MED13L: variants seen among roughly 807,000 people sequenced by gnomAD.
MED13L encodes mediator of RNA polymerase II transcription subunit 13-like.
Under a neutral mutation model 220.9 loss-of-function variants are expected in MED13L, and 7 were observed. The observed-to-expected ratio is 0.03, with a 90% CI of 0.02 to 0.06. MED13L has a LOEUF of 0.06. MED13L is among the 10% of genes least tolerant of loss of function. The pLI is 1.00. For missense variants in MED13L, 1,965 were observed against 2,760.5 expected, an observed-to-expected ratio of 0.71 and a Z score of 6.46; for synonymous variants, 1,011 against 1,015.2, an observed-to-expected ratio of 1.00 and a Z score of 0.08.
At chr12:116,101,022 A>T (rs762050932) in intron 3 of MED13L, among the ~76,000 whole-genome samples, 3 of 152,232 alleles carry the variant, frequency 2.0e-5, no homozygotes, top group Non-Finnish European at 4.4e-5. Flanking sequence ...AGGGCTGGTC[A>T]ACTACGAAGC....
At chr12:116,267,713 A>C (rs1042659659) in intron 1 of MED13L, among the ~76,000 whole-genome samples, 1 of 152,226 alleles carries the variant, frequency 6.6e-6, no homozygotes, top group African/African-American at 2.4e-5. Flanking sequence ...GTTGAACAAA[A>C]GCACTGCTAT....
At chr12:116,038,172 CT>C (rs397937912) in intron 4 of MED13L, among the ~76,000 whole-genome samples, 501 of 140,110 alleles carry the variant, frequency 3.6e-3, no homozygotes, top group Middle Eastern at 7.4e-3. Context: ...GCTTGGAATT[CT>C]TTTTTTTTTT....
At chr12:116,141,560 T>C (rs1877079276) in intron 2 of MED13L, among the ~76,000 whole-genome samples, 1 of 152,178 alleles carries the variant, frequency 6.6e-6, no homozygotes, top group Non-Finnish European at 1.5e-5. Context: ...AAATTTTTGC[T>C]TTATCCTAAC....
intron 2 of MED13L, among the ~76,000 whole-genome samples, chr12:116,179,259 T>C (rs1302813664): frequency 1.3e-5 from 2 of 151,888 alleles, no homozygotes; most frequent in African/African-American, 2.4e-5. Context: ...TAAAGGGGAA[T>C]ATTTTGGTGT....
At chr12:115,981,070 T>C in intron 22 of MED13L, 132 bp from the exon 23 acceptor site, 8 of 711,716 alleles carry the variant, frequency 1.1e-5, no homozygotes, top group Non-Finnish European at 1.9e-5. Flanking sequence ...ACCTCAGCCT[T>C]AAAATATATC....
chr12:115,984,038 C>A lies in MED13L; in HGVS notation c.4531+142G>T. On this transcript the variant is annotated intron_variant, in intron 20 of 30. Coordinates refer to ENST00000281928, the MANE Select transcript of MED13L (RefSeq NM_015335.5). ...CATATAGAAATTAGCATTAAACTGC[C>A]CAGAACACCAAACTGGACCTTAACA... 3.0e-6 allele frequency: 3 copies of A among 998,744 alleles called. No individual in the cohort carries two copies. In the South Asian group the frequency reaches 4.1e-5, roughly 14 times the overall value. 61.9% of individuals were successfully genotyped at this position (998,744 alleles called of 1,614,324 possible). A position where few individuals can be genotyped will look rare whatever the true frequency, so the allele number is the denominator to read the frequency against.
At chr12:116,046,830 G>A (rs550939319) in intron 4 of MED13L, among the ~76,000 whole-genome samples, 4 of 152,162 alleles carry the variant, frequency 2.6e-5, no homozygotes, top group South Asian at 2.1e-4. Context: ...AAAATTAGTC[G>A]GGCATGGTGG....
At chr12:116,077,312 C>A (rs998210666) in intron 4 of MED13L, among the ~76,000 whole-genome samples, 8 of 152,140 alleles carry the variant, frequency 5.3e-5, no homozygotes, top group African/African-American at 1.9e-4. Flanking sequence ...ATTTTACTCA[C>A]GCCCACTAAT....
intron 2 of MED13L, chr12:116,181,256 G>A (rs185877406): frequency 2.0e-5 from 3 of 150,804 alleles, no homozygotes; most frequent in Admixed American, 6.6e-5. Context: ...CAGTCCCCTC[G>A]AAATCTAACC....
chr12:116,216,180 G>A (rs1378636618), intron 2 of MED13L, among the ~76,000 whole-genome samples: 1 of 151,994 alleles, frequency 6.6e-6, no homozygotes, highest in East Asian at 1.9e-4. Flanking sequence ...ACTCTCTGAA[G>A]CTTTATTTAT....
At chr12:116,129,853 G>A (rs149781574) in intron 2 of MED13L, among the ~76,000 whole-genome samples, 2 of 151,106 alleles carry the variant, frequency 1.3e-5, no homozygotes, top group Non-Finnish European at 2.9e-5. Flanking sequence ...AGGTTGTAGT[G>A]AGCCGAGATC....
chr12:116,168,062 T>C (rs1304322529), intron 2 of MED13L, among the ~76,000 whole-genome samples: 1 of 152,168 alleles, frequency 6.6e-6, no homozygotes, highest in Non-Finnish European at 1.5e-5. Flanking sequence ...TTTTCATAGA[T>C]AGCTAAGCCA....
At chr12:116,210,553 AT>A (rs2138349239) in intron 2 of MED13L, among the ~76,000 whole-genome samples, 1 of 26,424 alleles carries the variant, frequency 3.8e-5, no homozygotes, top group African/African-American at 1.6e-4. Flanking sequence ...AACGTAACCT[AT>A]ATATATATAT....
intron 4 of MED13L, among the ~76,000 whole-genome samples, chr12:116,073,708 T>C (rs957185398): frequency 2.0e-5 from 3 of 152,252 alleles, no homozygotes; most frequent in African/African-American, 7.2e-5. Context: ...GCTGATTTTA[T>C]TAGAATGCTT....
intron 6 of MED13L, 124 bp downstream of exon 6, chr12:116,019,654 G>T: frequency 2.4e-6 from 3 of 1,233,704 alleles, no homozygotes; most frequent in Non-Finnish European, 3.5e-6. Flanking sequence ...ATACCATTGT[G>T]TCAAGAGAAT....
intron 9 of MED13L, among the ~76,000 whole-genome samples, chr12:116,009,580 G>A (rs1490590660): frequency 6.6e-6 from 1 of 152,022 alleles, no homozygotes; most frequent in Non-Finnish European, 1.5e-5. Context: ...CTGTAAATTG[G>A]GAATAAAATA....
chr12:116,191,286 A>G (rs1881265109), intron 2 of MED13L, among the ~76,000 whole-genome samples: 1 of 152,092 alleles, frequency 6.6e-6, no homozygotes, highest in Non-Finnish European at 1.5e-5. Flanking sequence ...AGTACTGGGT[A>G]ACAATAATCA....
chr12:115,987,370 A>G, intron 17 of MED13L, 82 bp from the exon 18 acceptor site: 1 of 1,311,260 alleles, frequency 7.6e-7, no homozygotes, highest in Non-Finnish European at 1.1e-6. Context: ...AGCCTCAGTT[A>G]TATTCAGAAC....
chr12:115,980,201 A>C (rs1366778175), intron 23 of MED13L, among the ~76,000 whole-genome samples: 1 of 152,208 alleles, frequency 6.6e-6, no homozygotes, highest in Non-Finnish European at 1.5e-5. Flanking sequence ...AAAGGGATAC[A>C]TTTATTATTG....
Sources: allele counts gnomAD v4.1 joint callset (sites outside exome capture counted in the v4.1 genomes callset), GRCh38; gene constraint gnomAD v4.1.1; transcripts MANE v1.5; gene names NCBI Gene and HGNC (gene_info 2026-07-23, HGNC 2026-07-21).